ENG: variants seen among roughly 807,000 people sequenced by gnomAD.
ENG encodes the protein CD105 antigen.
Under a neutral mutation model 71.0 loss-of-function variants are expected in ENG, and 17 were observed. The ratio of observed to expected loss-of-function variants is 0.24; its 90% CI spans 0.16 to 0.36. The LOEUF (loss-of-function observed/expected upper bound fraction) is 0.36. Ranked by LOEUF, ENG falls within the 10% of genes least tolerant of loss-of-function variation. ENG has a pLI of 1.00. For synonymous variants in ENG, 360 were observed against 366.9 expected, an observed-to-expected ratio of 0.98 and a Z score of 0.21; for missense variants, 749 against 868.3, an observed-to-expected ratio of 0.86 and a Z score of 1.73.
intron 13 of ENG, chr9:127,816,903 A>T: frequency 1.7e-6 from 1 of 581,238 alleles, no homozygotes; most frequent in Non-Finnish European, 3.1e-6. Context: ...GTGGGGGCAG[A>T]GGCCTAGACT....
At chr9:127,819,347 G>A in intron 10 of ENG, 1 of 475,852 alleles carries the variant, frequency 2.1e-6, no homozygotes, top group Non-Finnish European at 3.9e-6. Flanking sequence ...CTGTGGCGCA[G>A]AGTCCTTTCT....
In ENG at chr9:127,824,313, C is replaced by A; in HGVS notation, c.1125G>T (p.Glu375Asp). 1.9e-6 allele frequency: 3 copies of A among 1,614,032 alleles called. No homozygotes were observed. The highest frequency in any genetic ancestry group is 1.7e-6 in the Non-Finnish European group (2 of 1,179,986). ...GCAGGAGTTCCCTTACCGCAACAAG[C>A]TCTTTCTTTAGTACCAGGGTCATGG... ...DDAMTLVLKK[E>D]LVAHLKCTIT... Residue 375 changes from glutamate (E) to aspartate (D), a missense_variant, in exon 8 of 15, where the codon GAG becomes GAT. Transcript: ENST00000373203.
intron 1 of ENG, among the ~76,000 whole-genome samples, chr9:127,853,455 G>A (rs1012612964): frequency 1.6e-4 from 24 of 152,144 alleles, no homozygotes; most frequent in Non-Finnish European, 1.2e-4. Context: ...GGGGCTGGGG[G>A]TCCCTTGCTC....
rs546830009 is a variant in ENG at position 127,821,999 on chromosome 9, G to A, written c.1135-1962C>T. 1.3e-4 allele frequency among the ~76,000 whole-genome samples: 19 copies of A among 151,212 alleles called. No individual in the cohort carries two copies. The South Asian group carries it at 3.8e-3, about 30-fold the overall frequency. On this transcript the variant is annotated intron_variant, in intron 8 of 14. Transcript: ENST00000373203. ...CGGGAGGTGGAGGTTGCAGTGAGCC[G>A]AGATTGTACCACTGAACTCCAGCCT... is the stretch of plus-strand genomic sequence containing the variant.
At chr9:127,819,566 C>A (rs1830422592) in intron 10 of ENG, 56 bp downstream of exon 10, 2 of 1,610,848 alleles carry the variant, frequency 1.2e-6, no homozygotes, top group African/African-American at 1.3e-5. Flanking sequence ...GGAAGAGGCC[C>A]CGGCCCAGCA....
At chr9:127,829,518 C>T (rs1830707104) in intron 3 of ENG, among the ~76,000 whole-genome samples, 169 bp downstream of exon 3, 1 of 152,144 alleles carries the variant, frequency 6.6e-6, no homozygotes, top group Non-Finnish European at 1.5e-5. Context: ...TGGGTTCTCT[C>T]TGGTAGAGAC....
Position 127,825,714 on chromosome 9 carries a change from G to T in ENG, c.670C>A (p.Leu224Met). 6.3e-7 allele frequency: 1 copy of T among 1,589,690 alleles called. No individual in the cohort carries two copies. The highest frequency in any genetic ancestry group is 8.5e-7 in the Non-Finnish European group (1 of 1,170,878). The change falls in exon 5 of 15, where the codon CTG (leucine) becomes ATG (methionine). Residue 224 changes from leucine to methionine, a missense_variant. Leu to Met is a conservative substitution (Grantham distance 15). Coordinates refer to ENST00000373203, the MANE Select transcript of ENG (RefSeq NM_001114753.3). Reference protein sequence around the residue: ...GHKEAHILRVLPGHSAGPRTV... With the variant: ...GHKEAHILRVMPGHSAGPRTV... ...CCATACCCGGCCGAGTGGCCCGGCAGGACCCTCAGGATGTGCGCCTCCTTG... is the reference window on the plus strand; with the variant it reads ...CCATACCCGGCCGAGTGGCCCGGCATGACCCTCAGGATGTGCGCCTCCTTG...
intron 2 of ENG, among the ~76,000 whole-genome samples, chr9:127,841,888 T>C (rs1831041459): frequency 6.6e-6 from 1 of 152,194 alleles, no homozygotes; most frequent in South Asian, 2.1e-4. Flanking sequence ...TCCATCGCTC[T>C]CAGCCAGCCT....
chr9:127,830,978 G>A (rs1308171791), intron 2 of ENG, among the ~76,000 whole-genome samples: 1 of 152,038 alleles, frequency 6.6e-6, no homozygotes, highest in Non-Finnish European at 1.5e-5. Context: ...TTTATGTCTT[G>A]AGACGTACCC....
intron 1 of ENG, among the ~76,000 whole-genome samples, chr9:127,853,893 C>T (rs548983189): frequency 3.3e-5 from 5 of 152,314 alleles, no homozygotes; most frequent in Admixed American, 6.5e-5. Flanking sequence ...AACCCAGAGA[C>T]GGTGCTCAGA....
intron 2 of ENG, among the ~76,000 whole-genome samples, chr9:127,837,122 GCA>G (rs1830919970): frequency 4.6e-5 from 7 of 152,112 alleles, no homozygotes; most frequent in Admixed American, 4.6e-4. Flanking sequence ...TTCTCCCCTT[GCA>G]CACAGTCATC....
chr9:127,823,232 G>A (rs1411553073), intron 8 of ENG, among the ~76,000 whole-genome samples: 1 of 147,902 alleles, frequency 6.8e-6, no homozygotes, highest in Non-Finnish European at 1.5e-5. Flanking sequence ...TGCAAGCTCC[G>A]CCTCCCGGGT....
chr9:127,842,535 C>T (rs1831061103), intron 2 of ENG, among the ~76,000 whole-genome samples: 1 of 152,108 alleles, frequency 6.6e-6, no homozygotes, highest in Non-Finnish European at 1.5e-5. Flanking sequence ...AGCAATTCTC[C>T]TGCCTCAGCC....
At chr9:127,820,208 CTT>C (rs1032924576) in intron 8 of ENG, among the ~76,000 whole-genome samples, 171 bp from the exon 9 acceptor site, 1 of 151,904 alleles carries the variant, frequency 6.6e-6, no homozygotes, top group African/African-American at 2.4e-5. Context: ...CTTAAAAGTT[CTT>C]TTTTTTGAGA....
At chr9:127,848,560 A>G (rs974688970) in intron 1 of ENG, among the ~76,000 whole-genome samples, 1 of 152,222 alleles carries the variant, frequency 6.6e-6, no homozygotes, top group Non-Finnish European at 1.5e-5. Context: ...TTGGGATTAC[A>G]GGCATGAGCC....
At chr9:127,825,486 CTG>C (rs1830588578) in intron 5 of ENG, 129 bp from the exon 6 acceptor site, 3 of 1,451,736 alleles carry the variant, frequency 2.1e-6, no homozygotes, top group Non-Finnish European at 2.8e-6. Flanking sequence ...AGGGATGGGA[CTG>C]GGGCCAGGCT....
rs1830965086 is a variant in ENG at position 127,838,889 on chromosome 9, G to A, written c.219+4205C>T. 4.6e-5 allele frequency among the ~76,000 whole-genome samples: 7 copies of A among 152,154 alleles called. No homozygotes were observed. The South Asian group carries it at 1.5e-3, about 32-fold the overall frequency. Reference sequence around the variant, plus strand: ...TTCCCCAAGGCTCTCGGCTGCCACCGCCCATCTACCACCCACCCACAGGAA... The same window carrying A: ...TTCCCCAAGGCTCTCGGCTGCCACCACCCATCTACCACCCACCCACAGGAA... On this transcript the variant is annotated intron_variant, in intron 2 of 14. Transcript: ENST00000373203. The surrounding 1 kb of genome is among the most constrained non-coding windows in gnomAD (Gnocchi z 4.3).
intron 3 of ENG, 96 bp downstream of exon 3, chr9:127,829,590 TG>T: frequency 6.6e-7 from 1 of 1,515,006 alleles, no homozygotes; most frequent in Non-Finnish European, 9.0e-7. Flanking sequence ...GAAGCAGGGC[TG>T]GGCCGCTGGG....
chr9:127,821,777 G>C lies in ENG; in HGVS notation c.1135-1740C>G, dbSNP rs148588049. 1.3e-3 allele frequency among the ~76,000 whole-genome samples: 203 copies of C among 151,934 alleles called. 5 individuals are homozygous for C. In the East Asian group the frequency reaches 0.027, roughly 20 times the overall value. On this transcript the variant is annotated intron_variant, in intron 8 of 14. Coordinates refer to ENST00000373203, the MANE Select transcript of ENG (RefSeq NM_001114753.3). Reference sequence around the variant, plus strand: ...GGGCACCTGTAATCCCAGCTACTCGGGAGGCTGAGGCAGGAGAATTGCTTG... The same window carrying C: ...GGGCACCTGTAATCCCAGCTACTCGCGAGGCTGAGGCAGGAGAATTGCTTG...
Sources: allele counts gnomAD v4.1 joint callset (sites outside exome capture counted in the v4.1 genomes callset), GRCh38; gene constraint gnomAD v4.1.1; non-coding constraint Gnocchi (gnomAD v3.1); transcripts MANE v1.5; gene names NCBI Gene and HGNC (gene_info 2026-07-23, HGNC 2026-07-21).